Variants in MCTP1 observed in about 807,000 individuals in gnomAD.
The protein encoded by MCTP1 is multiple C2 and transmembrane domain-containing protein 1.
In MCTP1, 69 loss-of-function variants were observed where a neutral mutation model predicts 120.6. The observed-to-expected ratio is 0.57, with a 90% CI of 0.47 to 0.70. The LOEUF is 0.70. MCTP1 is among the 30% of genes least tolerant of loss of function. The pLI, the probability that MCTP1 is intolerant of heterozygous loss-of-function variation, is 0.00. For missense variants in MCTP1, 1,203 were observed against 1,248.8 expected (o/e 0.96, Z 0.55); for synonymous variants, 529 against 493.1 (o/e 1.07, Z -0.96).
At chr5:94,835,298 C>G (rs1789487025) in intron 17 of MCTP1, among the ~76,000 whole-genome samples, 1 of 152,110 alleles carries the variant, frequency 6.6e-6, no homozygotes, top group African/African-American at 2.4e-5. Context: ...AGTTATAAAC[C>G]CTTTTCTTGC....
chr5:95,158,248 T>C (rs1745340375), intron 1 of MCTP1, among the ~76,000 whole-genome samples: 1 of 152,244 alleles, frequency 6.6e-6, no homozygotes, highest in Admixed American at 6.5e-5. Flanking sequence ...GCATTTTTCA[T>C]CATCACATAT....
chr5:95,195,247 T>G (rs190178933), intron 1 of MCTP1, among the ~76,000 whole-genome samples: 1 of 152,104 alleles, frequency 6.6e-6, no homozygotes, highest in Non-Finnish European at 1.5e-5. Context: ...GAATCTTGGG[T>G]TTTTCCCCCG....
At chr5:94,856,067 T>C (rs1794675483) in intron 17 of MCTP1, among the ~76,000 whole-genome samples, 1 of 151,784 alleles carries the variant, frequency 6.6e-6, no homozygotes, top group African/African-American at 2.4e-5. Flanking sequence ...ATTGTTAATA[T>C]AGCCTTATGC....
intron 1 of MCTP1, chr5:95,068,695 T>C: frequency 1.3e-6 from 1 of 781,444 alleles, no homozygotes; most frequent in South Asian, 1.7e-5. Flanking sequence ...TTACTATGGT[T>C]TTCACAATTC....
intron 17 of MCTP1, among the ~76,000 whole-genome samples, chr5:94,811,902 A>G (rs1294002087): frequency 2.0e-5 from 3 of 152,162 alleles, no homozygotes; most frequent in African/African-American, 7.2e-5. Flanking sequence ...CTTCATTGAC[A>G]TGGAGATGCC....
intron 1 of MCTP1, among the ~76,000 whole-genome samples, chr5:95,128,215 A>T (rs1360500906): frequency 6.6e-6 from 1 of 152,242 alleles, no homozygotes; most frequent in African/African-American, 2.4e-5. Context: ...AAAGCCAGTT[A>T]TGGTGGCCCA....
chr5:94,778,600 A>C (rs1775925647), intron 19 of MCTP1, among the ~76,000 whole-genome samples: 1 of 152,166 alleles, frequency 6.6e-6, no homozygotes, highest in South Asian at 2.1e-4. Context: ...CCACGTGGCC[A>C]TTCCAAACCT....
chr5:94,744,536 C>T (rs535883301), intron 19 of MCTP1, among the ~76,000 whole-genome samples: 7 of 151,722 alleles, frequency 4.6e-5, no homozygotes, highest in Admixed American at 1.3e-4. Flanking sequence ...CAGAGTCTTG[C>T]TCTGTCACCC....
intron 10 of MCTP1, among the ~76,000 whole-genome samples, chr5:94,905,296 G>A (rs185629147): frequency 2.0e-5 from 3 of 152,348 alleles, no homozygotes; most frequent in Admixed American, 1.3e-4. Flanking sequence ...ATTGTGCAAA[G>A]TCTTATAGGC....
At position 94,947,466 on chromosome 5, in the gene MCTP1, T is replaced by C. The variant is rs566353759; in HGVS notation, c.982-5039A>G. Among the ~76,000 whole-genome samples, 11 of 150,524 alleles carry C rather than the reference T, an allele frequency of 7.3e-5. No homozygotes were observed. The South Asian group carries it at 2.1e-3, about 29-fold the overall frequency. On this transcript the variant is annotated intron_variant, in intron 3 of 22. Coordinates refer to ENST00000515393, the MANE Select transcript of MCTP1 (RefSeq NM_024717.7). Reference sequence around the variant, plus strand: ...GATTGAATTAGTAATAATATACTTATAATATCTCATTTTTCTATTTCCCAC... The same window carrying C: ...GATTGAATTAGTAATAATATACTTACAATATCTCATTTTTCTATTTCCCAC...
intron 17 of MCTP1, chr5:94,826,544 C>T: frequency 2.8e-6 from 2 of 718,594 alleles, no homozygotes; most frequent in South Asian, 2.7e-5. Context: ...TTCATTTTTT[C>T]ATAGAAGCTT....
intron 19 of MCTP1, among the ~76,000 whole-genome samples, chr5:94,730,861 T>C (rs1422404857): frequency 6.6e-6 from 1 of 152,042 alleles, no homozygotes; most frequent in Non-Finnish European, 1.5e-5. Flanking sequence ...AATAAAATCA[T>C]AAATACTCTG....
chr5:95,264,852 C>T (rs771168782), intron 1 of MCTP1, among the ~76,000 whole-genome samples: 2 of 152,062 alleles, frequency 1.3e-5, no homozygotes, highest in Non-Finnish European at 2.9e-5. Context: ...ATGTCCAAAG[C>T]GAAGCAATTC....
At chr5:94,877,274 T>C (rs1799090468) in intron 12 of MCTP1, among the ~76,000 whole-genome samples, 1 of 152,116 alleles carries the variant, frequency 6.6e-6, no homozygotes, top group Non-Finnish European at 1.5e-5. Flanking sequence ...GTCTCTATAA[T>C]ACAAAAACCT....
At chr5:95,001,274 A>C (rs555389729) in intron 2 of MCTP1, among the ~76,000 whole-genome samples, 2 of 152,290 alleles carry the variant, frequency 1.3e-5, no homozygotes, top group Admixed American at 1.3e-4. Flanking sequence ...TAATACAGTA[A>C]ATTGGTACCA....
intron 2 of MCTP1, among the ~76,000 whole-genome samples, chr5:95,010,632 A>G (rs1003825858): frequency 6.6e-6 from 1 of 152,156 alleles, no homozygotes; most frequent in African/African-American, 2.4e-5. Flanking sequence ...AAGTAAGTAC[A>G]CTAGTGAAGC....
At chr5:94,889,562 C>T (rs1802077723) in intron 11 of MCTP1, among the ~76,000 whole-genome samples, 1 of 152,146 alleles carries the variant, frequency 6.6e-6, no homozygotes, top group Non-Finnish European at 1.5e-5. Context: ...GCACTCCAGC[C>T]TGGGTGACAG....
intron 1 of MCTP1, among the ~76,000 whole-genome samples, chr5:95,160,310 A>G (rs1745579163): frequency 6.6e-6 from 1 of 152,204 alleles, no homozygotes; most frequent in Non-Finnish European, 1.5e-5. Context: ...CAGGGAGTAA[A>G]GTTGACTTGT....
intron 1 of MCTP1, among the ~76,000 whole-genome samples, chr5:95,176,901 G>A (rs964808413): frequency 2.6e-5 from 4 of 151,236 alleles, no homozygotes; most frequent in African/African-American, 7.3e-5. Context: ...GTCTTGCTCT[G>A]TCGCCCAGGC....
Sources: allele counts gnomAD v4.1 joint callset (sites outside exome capture counted in the v4.1 genomes callset), GRCh38; gene constraint gnomAD v4.1.1; transcripts MANE v1.5; gene names NCBI Gene and HGNC (gene_info 2026-07-23, HGNC 2026-07-21).